The following DDX27 variants were observed in gnomAD, a reference collection of about 807,000 sequenced individuals.
The protein encoded by DDX27 is DEAD-box helicase 27.
Under a neutral mutation model 99.3 loss-of-function variants are expected in DDX27, and 42 were observed. The observed-to-expected ratio is 0.42, with a 90% CI of 0.33 to 0.55. The LOEUF (loss-of-function observed/expected upper bound fraction) is 0.55. Among genes scored for constraint, DDX27 ranks in the 20% least tolerant of loss-of-function variants. DDX27 has a pLI of 0.07. For synonymous variants in DDX27, 329 were observed against 353.8 expected, an observed-to-expected ratio of 0.93 and a Z score of 0.79; for missense variants, 798 against 976.8, an observed-to-expected ratio of 0.82 and a Z score of 2.44.
chr20:49,223,088 C>T (rs1174673262), intron 3 of DDX27, 72 bp downstream of exon 3: 1 of 1,492,802 alleles, frequency 6.7e-7, no homozygotes, highest in Non-Finnish European at 9.3e-7. Context: ...CAGCATCTCT[C>T]TGGAAGCCCT....
chr20:49,226,393 C>G, intron 6 of DDX27, 37 bp from the exon 7 acceptor site: 3 of 1,559,950 alleles, frequency 1.9e-6, no homozygotes, highest in Non-Finnish European at 2.6e-6. Context: ...AGACTTCCCC[C>G]GCTCAACCCT....
At chr20:49,230,373 AGGGCACTGT>A (rs1032906525) in intron 9 of DDX27, 24 bp downstream of exon 9, 1 of 1,596,422 alleles carries the variant, frequency 6.3e-7, no homozygotes, top group African/African-American at 1.3e-5. Context: ...CCTGGGGCCC[AGGGCACTGT>A]GGGGTTCCAA....
rs184630705 is a variant in DDX27 at position 49,234,540 on chromosome 20, G to A, written c.1274-395G>A. On this transcript the variant is annotated intron_variant, in intron 11 of 20. Transcript: ENST00000618172. ...TGGTCTCCCAAAGTGCTGGGATTAC[G>A]GGCATGAGCCACTACATCCAGCCGC... 3.6e-4 allele frequency: 56 copies of A among 157,268 alleles called. No individual in the cohort carries two copies. The East Asian group carries it at 8.4e-3, about 24-fold the overall frequency. 9.7% of individuals were successfully genotyped at this position (157,268 alleles called of 1,614,324 possible).
At chr20:49,233,056 T>C (rs1980178309) in intron 9 of DDX27, among the ~76,000 whole-genome samples, 1 of 152,110 alleles carries the variant, frequency 6.6e-6, no homozygotes, top group Non-Finnish European at 1.5e-5. Context: ...TAAGAGAAGG[T>C]CCTAGTGCTT....
intron 19 of DDX27, among the ~76,000 whole-genome samples, chr20:49,243,105 T>C (rs954291678): frequency 6.6e-6 from 1 of 152,148 alleles, no homozygotes; most frequent in Non-Finnish European, 1.5e-5. Flanking sequence ...TTATACTATG[T>C]AAATTCAAGG....
At chr20:49,222,236 G>A (rs994389333) in intron 2 of DDX27, among the ~76,000 whole-genome samples, 4 of 151,780 alleles carry the variant, frequency 2.6e-5, no homozygotes, top group South Asian at 2.1e-4. Flanking sequence ...GGGTTTAAGC[G>A]ATTCTTGTGC....
At chr20:49,230,537 C>G (rs937610799) in intron 9 of DDX27, among the ~76,000 whole-genome samples, 188 bp downstream of exon 9, 2 of 151,936 alleles carry the variant, frequency 1.3e-5, no homozygotes, top group East Asian at 1.9e-4. Flanking sequence ...TTTTCTCTTT[C>G]TCTATTATGG....
Position 49,236,023 on chromosome 20 carries a change from G to A in DDX27, c.1428-127G>A, listed in dbSNP as rs1600974123. 2 of 828,104 alleles carry A rather than the reference G, an allele frequency of 2.4e-6. No individual in the cohort carries two copies. Among genetic ancestry groups the A allele is most frequent in the East Asian group, 2.7e-5 (1 of 36,424 alleles). The allele number at this position is 828,104 out of a possible 1,614,324, so 51.3% of individuals were successfully genotyped here. ...CTCCCAAAGTGCTGGGATTACAGGC[G>A]TGAGCCACCGTGCCCAGCCTCTATC... On this transcript the variant is annotated intron_variant, in intron 12 of 20. Transcript: ENST00000618172. The surrounding 1 kb of genome is among the most constrained non-coding windows in gnomAD (Gnocchi z 4.1).
intron 7 of DDX27, among the ~76,000 whole-genome samples, chr20:49,227,258 C>T (rs923104683): frequency 2.5e-4 from 38 of 152,286 alleles, no homozygotes; most frequent in African/African-American, 9.1e-4. Flanking sequence ...CTCTCGAATC[C>T]TTCATCAATG....
intron 9 of DDX27, among the ~76,000 whole-genome samples, chr20:49,231,536 C>T (rs1488442605): frequency 6.6e-6 from 1 of 152,220 alleles, no homozygotes; most frequent in Non-Finnish European, 1.5e-5. Flanking sequence ...GGAGACAGCT[C>T]TGTGTGATAC....
intron 6 of DDX27, 76 bp from the exon 7 acceptor site, chr20:49,226,354 T>C: frequency 8.6e-7 from 1 of 1,156,872 alleles, no homozygotes; most frequent in Non-Finnish European, 1.2e-6. Context: ...CCCACTTGTC[T>C]GGAAACCTGC....
In DDX27 at chr20:49,241,873, A is replaced by G; in HGVS notation, c.1898-20A>G. On this transcript the variant is annotated intron_variant, in intron 16 of 20. Coordinates refer to ENST00000618172, the MANE Select transcript of DDX27 (RefSeq NM_017895.8). Reference sequence around the variant, plus strand: ...AAGATAAAATCATCCCTGAAATCTTATGCTTTCTTCTCATCCCAGTTGCCA... The same window carrying G: ...AAGATAAAATCATCCCTGAAATCTTGTGCTTTCTTCTCATCCCAGTTGCCA... 6.2e-7 allele frequency: 1 copy of G among 1,611,656 alleles called. No homozygotes were observed. Among genetic ancestry groups the G allele is most frequent in the Non-Finnish European group, 8.5e-7 (1 of 1,177,770 alleles).
intron 7 of DDX27, among the ~76,000 whole-genome samples, chr20:49,227,737 G>A (rs1425425912): frequency 3.3e-5 from 5 of 151,994 alleles, no homozygotes; most frequent in African/African-American, 9.7e-5. Context: ...TGGGCCACAA[G>A]TTTCAAAGGG....
At chr20:49,228,645 T>C in intron 7 of DDX27, 70 bp from the exon 8 acceptor site, 1 of 1,387,072 alleles carries the variant, frequency 7.2e-7, no homozygotes. Context: ...TTTTCTGTGC[T>C]CTGGTGAAAA....
At chr20:49,225,461 T>TC (rs1289902516) in intron 6 of DDX27, among the ~76,000 whole-genome samples, 1 of 146,688 alleles carries the variant, frequency 6.8e-6, no homozygotes, top group Non-Finnish European at 1.5e-5. Flanking sequence ...CCCTTTTTTT[T>TC]TTTTTTTTTT....
Position 49,223,390 on chromosome 20 carries a change from G to T in DDX27, c.423G>T (p.Glu141Asp). Residue 141 changes from glutamate (E) to aspartate (D), a missense_variant, in exon 4 of 21, where the codon GAG becomes GAT. Glu to Asp is a conservative substitution (Grantham distance 45). Transcript: ENST00000618172. ...AAGGCTCAGAAGATGAAGCCTCGGA[G>T]ACTGACTACTCATCAGCTGATGAGA... ...DEEGSEDEAS[E>D]TDYSSADENI... 1 of 1,613,578 alleles carries T rather than the reference G, an allele frequency of 6.2e-7. No individual in the cohort carries two copies. The highest frequency in any genetic ancestry group is 1.1e-5 in the South Asian group (1 of 90,956).
At position 49,236,019 on chromosome 20, in the gene DDX27, A is replaced by G; in HGVS notation, c.1428-131A>G. On this transcript the variant is annotated intron_variant, in intron 12 of 20. Transcript: ENST00000618172. This position sits in a 1 kb window ranked among gnomAD's most constrained non-coding sequence, Gnocchi z 4.1. The stretch of plus-strand genomic sequence containing the variant: ...CGGCCTCCCAAAGTGCTGGGATTAC[A>G]GGCGTGAGCCACCGTGCCCAGCCTC... 1 of 765,290 alleles carries G rather than the reference A, an allele frequency of 1.3e-6. No individual in the cohort carries two copies. The highest frequency in any genetic ancestry group is 2.1e-6 in the Non-Finnish European group (1 of 485,972). The allele number at this position is 765,290 out of a possible 1,614,324, so 47.4% of individuals were successfully genotyped here. A position where few individuals can be genotyped will look rare whatever the true frequency, so the allele number is the denominator to read the frequency against.
chr20:49,223,054 C>T (rs2273145), intron 3 of DDX27, 38 bp downstream of exon 3: 316,103 of 1,575,416 alleles, frequency 0.2, 33,242 homozygotes, highest in Non-Finnish European at 0.22. Context: ...TGTTAGGGCC[C>T]ACTCTTTACT....
intron 16 of DDX27, among the ~76,000 whole-genome samples, chr20:49,240,884 G>T (rs1406880447): frequency 6.6e-6 from 1 of 152,078 alleles, no homozygotes; most frequent in African/African-American, 2.4e-5. Flanking sequence ...ACATGGTGGT[G>T]CATGCCTATA....
Sources: gnomAD v4.1 joint callset for allele counts (sites outside exome capture counted in the v4.1 genomes callset) on GRCh38, gnomAD v4.1.1 for gene constraint, Gnocchi (gnomAD v3.1) non-coding constraint, MANE v1.5 for transcripts, NCBI Gene and HGNC (gene_info 2026-07-23, HGNC 2026-07-21) for gene names.